The following CNTNAP2 variants were observed in gnomAD, a reference collection of about 807,000 sequenced individuals.
The protein encoded by CNTNAP2 is contactin associated protein 2.
CNTNAP2 carries 98 observed loss-of-function variants against 155.2 expected under a neutral mutation model. The observed-to-expected ratio is 0.63, with a 90% confidence interval of 0.54 to 0.75. The LOEUF is 0.75. Ranked by LOEUF, CNTNAP2 falls within the 30% of genes least tolerant of loss-of-function variation. CNTNAP2 has a pLI of 0.00. For missense variants in CNTNAP2, 1,727 were observed against 1,688.1 expected (o/e 1.02, Z -0.40); for synonymous variants, 651 against 631.2 (o/e 1.03, Z -0.47).
At chr7:147,169,993 G>A (rs954308739) in intron 8 of CNTNAP2, among the ~76,000 whole-genome samples, 9 of 151,854 alleles carry the variant, frequency 5.9e-5, no homozygotes, top group African/African-American at 2.2e-4. Context: ...GAGGTAGTGG[G>A]CTCGTTTGGG....
At chr7:148,352,484 T>C (rs1173931830) in intron 21 of CNTNAP2, among the ~76,000 whole-genome samples, 1 of 152,242 alleles carries the variant, frequency 6.6e-6, no homozygotes, top group African/African-American at 2.4e-5. Flanking sequence ...TTGTATCCTA[T>C]AAAAGATAGA....
At chr7:146,830,637 A>G (rs1803491839) in intron 2 of CNTNAP2, among the ~76,000 whole-genome samples, 1 of 152,194 alleles carries the variant, frequency 6.6e-6, no homozygotes, top group African/African-American at 2.4e-5. Context: ...TGAAATTGAT[A>G]ATGCGTTTCT....
intron 10 of CNTNAP2, among the ~76,000 whole-genome samples, chr7:147,477,491 G>A (rs1171932205): frequency 4.0e-5 from 6 of 151,858 alleles, no homozygotes; most frequent in Admixed American, 3.9e-4. Flanking sequence ...TAGCTGTTGA[G>A]TTTATTTTGC....
chr7:146,382,632 G>T (rs1468497733), intron 1 of CNTNAP2, among the ~76,000 whole-genome samples: 2 of 152,018 alleles, frequency 1.3e-5, no homozygotes, highest in Non-Finnish European at 2.9e-5. Flanking sequence ...TAAAAATTTT[G>T]ACACCAACCT....
chr7:146,619,118 C>T (rs1434095608), intron 1 of CNTNAP2, among the ~76,000 whole-genome samples: 1 of 151,058 alleles, frequency 6.6e-6, no homozygotes, highest in Non-Finnish European at 1.5e-5. Context: ...AAAAAAGTCA[C>T]TTTAAAAAAT....
At chr7:146,821,081 T>C (rs1164383804) in intron 2 of CNTNAP2, among the ~76,000 whole-genome samples, 2 of 152,206 alleles carry the variant, frequency 1.3e-5, no homozygotes, top group East Asian at 1.9e-4. Flanking sequence ...ATGGGTTTCC[T>C]GAATACAGCA....
At chr7:146,159,936 C>T (rs1362082160) in intron 1 of CNTNAP2, among the ~76,000 whole-genome samples, 1 of 152,176 alleles carries the variant, frequency 6.6e-6, no homozygotes, top group African/African-American at 2.4e-5. Flanking sequence ...AAAGAATACA[C>T]ATTCTTCTCA....
At chr7:148,049,521 C>T (rs764222715) in intron 15 of CNTNAP2, among the ~76,000 whole-genome samples, 40 of 152,114 alleles carry the variant, frequency 2.6e-4, no homozygotes, top group East Asian at 1.4e-3. Flanking sequence ...GTGAATGTAA[C>T]GAGATAGGCT....
chr7:147,938,235 T>C (rs1369331040), intron 14 of CNTNAP2, among the ~76,000 whole-genome samples: 2 of 152,154 alleles, frequency 1.3e-5, no homozygotes, highest in Non-Finnish European at 2.9e-5. Context: ...TCAGCACTCG[T>C]AAAAATATGC....
chr7:148,151,482 G>C (rs149481839), intron 17 of CNTNAP2, among the ~76,000 whole-genome samples: 1 of 151,902 alleles, frequency 6.6e-6, no homozygotes, highest in African/African-American at 2.4e-5. Flanking sequence ...ATTTTGTACA[G>C]AAAGGGTTTC....
intron 13 of CNTNAP2, among the ~76,000 whole-genome samples, chr7:147,783,816 C>T (rs7812224): frequency 0.02 from 3,105 of 152,262 alleles, 91 homozygotes; most frequent in African/African-American, 0.071. Context: ...GCTGTCTGTG[C>T]AACAGTAAGC....
intron 21 of CNTNAP2, among the ~76,000 whole-genome samples, chr7:148,291,507 T>TCACATTTTTCTG (rs1797189672): frequency 6.6e-6 from 1 of 151,964 alleles, no homozygotes; most frequent in Non-Finnish European, 1.5e-5. Flanking sequence ...GTCTCCCTCT[T>TCACATTTTTCTG]CACATTTTTC....
At chr7:146,646,565 A>C (rs954156332) in intron 1 of CNTNAP2, among the ~76,000 whole-genome samples, 3 of 152,166 alleles carry the variant, frequency 2.0e-5, no homozygotes, top group African/African-American at 7.2e-5. Context: ...TAAAATTATA[A>C]TTGAGGAAGC....
At chr7:147,330,594 T>C (rs776504946) in intron 9 of CNTNAP2, among the ~76,000 whole-genome samples, 8 of 152,182 alleles carry the variant, frequency 5.3e-5, no homozygotes, top group Non-Finnish European at 1.2e-4. Flanking sequence ...GTATCCAAAT[T>C]GTATTGAATT....
At chr7:147,037,571 C>T (rs957977756) in intron 3 of CNTNAP2, among the ~76,000 whole-genome samples, 2 of 150,832 alleles carry the variant, frequency 1.3e-5, no homozygotes, top group African/African-American at 4.9e-5. Context: ...AAGTGATTCT[C>T]CTGCCTCAGC....
At position 146,622,243 on chromosome 7, in the gene CNTNAP2, A is replaced by ATATCTATCTATCTATC. The variant is rs71165020; in HGVS notation, c.98-152004_98-151989dup. Among the ~76,000 whole-genome samples the ATATCTATCTATCTATC allele has an allele frequency of 7.2e-3, 1,034 of 144,400 alleles. 6 individuals are homozygous for ATATCTATCTATCTATC. The highest frequency in any genetic ancestry group is 0.03 in the East Asian group (146 of 4,846). The allele number at this position is 144,400 out of a possible 152,430, so 94.7% of individuals were successfully genotyped here. On this transcript the variant is annotated intron_variant, in intron 1 of 23. Transcript: ENST00000361727. ...TGTGTGTATATATATATGTGTGTGT[A>ATATCTATCTATCTATC]TATCTATCTATCTATCTATCTATCT...
At chr7:146,848,005 A>G (rs1464368950) in intron 3 of CNTNAP2, among the ~76,000 whole-genome samples, 1 of 152,176 alleles carries the variant, frequency 6.6e-6, no homozygotes, top group Admixed American at 6.5e-5. Context: ...CCAACTGAAA[A>G]GGGTAGGATA....
chr7:147,583,533 A>ATATATATAC (rs1240294188), intron 12 of CNTNAP2, among the ~76,000 whole-genome samples: 1 of 111,244 alleles, frequency 9.0e-6, no homozygotes, highest in African/African-American at 4.1e-5. Flanking sequence ...TATATATATA[A>ATATATATAC]TGTCAAACAG....
At chr7:147,117,342 A>G (rs1322047224) in intron 5 of CNTNAP2, among the ~76,000 whole-genome samples, 1 of 152,062 alleles carries the variant, frequency 6.6e-6, no homozygotes, top group African/African-American at 2.4e-5. Flanking sequence ...TGGGAGAAGC[A>G]TGGTTTCTTG....
Sources: allele counts gnomAD v4.1 joint callset (sites outside exome capture counted in the v4.1 genomes callset), GRCh38; gene constraint gnomAD v4.1.1; transcripts MANE v1.5; gene names NCBI Gene and HGNC (gene_info 2026-07-23, HGNC 2026-07-21).